ZFPM2: variants seen among roughly 807,000 people sequenced by gnomAD.
The protein encoded by ZFPM2 is zinc finger protein ZFPM2.
A neutral mutation model predicts 98.6 loss-of-function variants in ZFPM2; 20 were observed. The observed-to-expected ratio is 0.20, with a 90% CI of 0.14 to 0.29. The LOEUF is 0.29. Among genes scored for constraint, ZFPM2 ranks in the 10% least tolerant of loss-of-function variants. The pLI is 1.00. For synonymous variants in ZFPM2, 518 were observed against 502.7 expected, an observed-to-expected ratio of 1.03 and a Z score of -0.41; for missense variants, 1,310 against 1,388.6, an observed-to-expected ratio of 0.94 and a Z score of 0.90.
rs11986188 is a variant in ZFPM2 at position 105,522,904 on chromosome 8, C to G, written c.302-38459C>G. ...TAGGTTCCATTGCAAAGCCTGTCTTCTTAACCCTGAAGGTATACTGCCTTT... is the reference window on the plus strand; with the variant it reads ...TAGGTTCCATTGCAAAGCCTGTCTTGTTAACCCTGAAGGTATACTGCCTTT... On this transcript the variant is annotated intron_variant, in intron 3 of 7. Transcript: ENST00000407775. Among the ~76,000 whole-genome samples, 216 of 152,282 alleles carry G rather than the reference C, an allele frequency of 1.4e-3. 2 individuals carry two copies. Among genetic ancestry groups the G allele is most frequent in the African/African-American group, 4.9e-3 (202 of 41,566 alleles).
At position 105,644,366 on chromosome 8, in the gene ZFPM2, G is replaced by T. The variant is rs1332905775; in HGVS notation, c.532+10009G>T. On this transcript the variant is annotated intron_variant, in intron 5 of 7. Transcript: ENST00000407775. The stretch of plus-strand genomic sequence containing the variant: ...AAACTCCTGGCCTCAGCTTCTCAAA[G>T]TGCTGGGATTACAGGCATGAGCTAC... Among the ~76,000 whole-genome samples the T allele has an allele frequency of 2.0e-5, 3 of 149,798 alleles. 1 individual carries two copies. In the South Asian group the frequency reaches 6.3e-4, roughly 31 times the overall value.
Position 105,626,687 on chromosome 8 carries a change from C to T in ZFPM2, c.421-7559C>T, listed in dbSNP as rs184156758. ...TAGTAATTTTAAAAATCCTCTAGGC[C>T]TGTTGTCAAATATGCTTTATAGCTG... On this transcript the variant is annotated intron_variant, in intron 4 of 7. Coordinates refer to ENST00000407775, the MANE Select transcript of ZFPM2 (RefSeq NM_012082.4). Among the ~76,000 whole-genome samples the T allele has an allele frequency of 2.0e-5, 3 of 152,136 alleles. No homozygotes were observed. In the East Asian group the frequency reaches 5.8e-4, roughly 29 times the overall value.
At chr8:105,382,372 G>A (rs1810905920) in intron 1 of ZFPM2, among the ~76,000 whole-genome samples, 1 of 151,886 alleles carries the variant, frequency 6.6e-6, no homozygotes, top group Non-Finnish European at 1.5e-5. Context: ...AATCCTGTAT[G>A]TCTAATATGA....
At chr8:105,412,830 A>G (rs1811603666) in intron 1 of ZFPM2, among the ~76,000 whole-genome samples, 1 of 151,822 alleles carries the variant, frequency 6.6e-6, no homozygotes, top group Admixed American at 6.6e-5. Context: ...CAAATGTAAT[A>G]GGAACCGAGT....
intron 4 of ZFPM2, among the ~76,000 whole-genome samples, chr8:105,617,020 GAAAAAAAAAAAAAAAAAAAAAAAAAAA>G (rs773023421): frequency 2.1e-4 from 6 of 28,120 alleles, no homozygotes; most frequent in African/African-American, 4.5e-4. Flanking sequence ...ACTCTGTCTC[GAAAAAAAAAAAAAAAAAAAAAAAAAAA>G]AAAAAAAAAA....
rs142074155 is a variant in ZFPM2 at position 105,554,013 on chromosome 8, A to G, written c.302-7350A>G. Reference sequence around the variant, plus strand: ...CAGCCTGATTTATCAGGGTTTGACTAGAGTACTTGAATAGGGAACGTCGTA... The same window carrying G: ...CAGCCTGATTTATCAGGGTTTGACTGGAGTACTTGAATAGGGAACGTCGTA... On this transcript the variant is annotated intron_variant, in intron 3 of 7. Coordinates refer to ENST00000407775, the MANE Select transcript of ZFPM2 (RefSeq NM_012082.4). 4.1e-3 allele frequency among the ~76,000 whole-genome samples: 627 copies of G among 152,296 alleles called. 14 individuals are homozygous for G. The highest frequency in any genetic ancestry group is 0.034 in the Admixed American group (519 of 15,292).
chr8:105,666,295 G>A (rs1471581258), intron 5 of ZFPM2, among the ~76,000 whole-genome samples: 2 of 152,178 alleles, frequency 1.3e-5, no homozygotes, highest in East Asian at 1.9e-4. Context: ...AATCAAGAAA[G>A]TACTTGGAGG....
chr8:105,506,856 C>G (rs1040842126), intron 3 of ZFPM2, among the ~76,000 whole-genome samples: 1 of 151,326 alleles, frequency 6.6e-6, no homozygotes, highest in Non-Finnish European at 1.5e-5. Flanking sequence ...GGTGTAGTGG[C>G]GGGTGCCTGT....
At chr8:105,331,012 G>GT (rs1410427364) in intron 1 of ZFPM2, among the ~76,000 whole-genome samples, 2 of 150,844 alleles carry the variant, frequency 1.3e-5, no homozygotes, top group East Asian at 3.9e-4. Context: ...TTAATAACCT[G>GT]TTTTTTGGTG....
At chr8:105,584,312 C>T (rs1815666711) in intron 4 of ZFPM2, among the ~76,000 whole-genome samples, 2 of 151,818 alleles carry the variant, frequency 1.3e-5, no homozygotes, top group Admixed American at 1.3e-4. Flanking sequence ...TAAAATTACA[C>T]ATTAGGCCTT....
At chr8:105,764,124 T>A (rs569432345) in intron 5 of ZFPM2, among the ~76,000 whole-genome samples, 18 of 151,894 alleles carry the variant, frequency 1.2e-4, no homozygotes, top group African/African-American at 4.3e-4. Context: ...TATCCAGGAC[T>A]CTCTTTGATC....
rs1157064581 is a variant in ZFPM2 at position 105,675,732 on chromosome 8, G to A, written c.532+41375G>A. On this transcript the variant is annotated intron_variant, in intron 5 of 7. Coordinates refer to ENST00000407775, the MANE Select transcript of ZFPM2 (RefSeq NM_012082.4). ...AGAAGGAGGAAGCTCTAAATATCAGGCCACTAGATTTACAATACCAGAAAT... is the reference window on the plus strand; with the variant it reads ...AGAAGGAGGAAGCTCTAAATATCAGACCACTAGATTTACAATACCAGAAAT... Among the ~76,000 whole-genome samples the A allele has an allele frequency of 6.6e-5, 10 of 152,062 alleles. No individual in the cohort carries two copies. The East Asian group carries it at 1.9e-3, about 29-fold the overall frequency.
At chr8:105,682,076 G>A (rs1437692220) in intron 5 of ZFPM2, among the ~76,000 whole-genome samples, 11 of 152,092 alleles carry the variant, frequency 7.2e-5, no homozygotes, top group Non-Finnish European at 1.5e-4. Context: ...CACAAATGAC[G>A]TACAAGAATG....
intron 5 of ZFPM2, among the ~76,000 whole-genome samples, chr8:105,736,851 T>A (rs1812084347): frequency 6.6e-6 from 1 of 152,080 alleles, no homozygotes. Context: ...CTCCTATAAA[T>A]AATATCTCTA....
At chr8:105,355,581 C>T (rs1200052460) in intron 1 of ZFPM2, among the ~76,000 whole-genome samples, 2 of 152,088 alleles carry the variant, frequency 1.3e-5, no homozygotes, top group Admixed American at 1.3e-4. Flanking sequence ...TCGGAGAGTA[C>T]TTAAAATTTT....
At chr8:105,457,371 A>T (rs1298333066) in intron 3 of ZFPM2, among the ~76,000 whole-genome samples, 1 of 152,234 alleles carries the variant, frequency 6.6e-6, no homozygotes, top group African/African-American at 2.4e-5. Flanking sequence ...GTAGACCTAC[A>T]TTGAATTAAT....
rs144030928 is a variant in ZFPM2 at position 105,423,259 on chromosome 8, T to C, written c.199+3957T>C. ...CATCTCAGAGATACCCTTGTTATAG[T>C]TGCATGCTTAAAATTTGAACCTGGC... On this transcript the variant is annotated intron_variant, in intron 2 of 7. Coordinates refer to ENST00000407775, the MANE Select transcript of ZFPM2 (RefSeq NM_012082.4). Among the ~76,000 whole-genome samples the C allele has an allele frequency of 3.4e-3, 524 of 152,316 alleles. 4 individuals are homozygous for C. Among genetic ancestry groups the C allele is most frequent in the African/African-American group, 0.012 (506 of 41,586 alleles).
At chr8:105,614,793 G>A (rs1365500777) in intron 4 of ZFPM2, among the ~76,000 whole-genome samples, 1 of 151,982 alleles carries the variant, frequency 6.6e-6, no homozygotes, top group Non-Finnish European at 1.5e-5. Context: ...AGATAATTTG[G>A]TTTTATTGTA....
chr8:105,576,706 G>C (rs1308958836), intron 4 of ZFPM2, among the ~76,000 whole-genome samples: 1 of 152,112 alleles, frequency 6.6e-6, no homozygotes, highest in African/African-American at 2.4e-5. Flanking sequence ...AGAGCTTTCA[G>C]ATTTTTATAT....
Sources: gnomAD v4.1 joint callset for allele counts (sites outside exome capture counted in the v4.1 genomes callset) on GRCh38, gnomAD v4.1.1 for gene constraint, MANE v1.5 for transcripts, NCBI Gene and HGNC (gene_info 2026-07-23, HGNC 2026-07-21) for gene names.